Variants in GRAMD1B observed in about 807,000 individuals in gnomAD.
GRAMD1B encodes protein Aster-B.
In GRAMD1B, 37 loss-of-function variants were observed where a neutral mutation model predicts 99.7. That is an observed-to-expected ratio of 0.37 (90% CI 0.29 to 0.49). The LOEUF is 0.49. Ranked by LOEUF, GRAMD1B falls within the 20% of genes least tolerant of loss-of-function variation. GRAMD1B has a pLI of 0.98. For synonymous variants in GRAMD1B, 427 were observed against 387.6 expected, an observed-to-expected ratio of 1.10 and a Z score of -1.19; for missense variants, 888 against 1,009.2, an observed-to-expected ratio of 0.88 and a Z score of 1.63.
intron 1 of GRAMD1B, among the ~76,000 whole-genome samples, chr11:123,470,092 C>T (rs1950935679): frequency 6.6e-6 from 1 of 152,168 alleles, no homozygotes; most frequent in African/African-American, 2.4e-5. Context: ...CTATGGTTCA[C>T]ACTGACTTTA....
At chr11:123,452,718 C>G (rs4936807) in intron 1 of GRAMD1B, among the ~76,000 whole-genome samples, 38,466 of 152,002 alleles carry the variant, frequency 0.25, 5,137 homozygotes, top group East Asian at 0.37. Context: ...GCTATTTACT[C>G]TCAATATTAG....
upstream of GRAMD1B, among the ~76,000 whole-genome samples, chr11:123,428,418 A>G (rs182170382): frequency 6.6e-6 from 1 of 152,302 alleles, no homozygotes; most frequent in Admixed American, 6.5e-5. Context: ...GTAGAGTGAA[A>G]CCAAATCACT....
At chr11:123,499,307 G>A (rs1035256599) in intron 2 of GRAMD1B, among the ~76,000 whole-genome samples, 4 of 152,126 alleles carry the variant, frequency 2.6e-5, no homozygotes, top group Non-Finnish European at 5.9e-5. Flanking sequence ...ACCAGATGTG[G>A]CTCCTTTGTC....
chr11:123,486,878 C>T (rs905828726), intron 2 of GRAMD1B, among the ~76,000 whole-genome samples: 12 of 152,062 alleles, frequency 7.9e-5, no homozygotes, highest in African/African-American at 2.7e-4. Flanking sequence ...TGAGACCAGC[C>T]GCCAACATGG....
intron 1 of GRAMD1B, among the ~76,000 whole-genome samples, chr11:123,475,122 T>C (rs1034812334): frequency 1.8e-4 from 27 of 152,182 alleles, no homozygotes; most frequent in African/African-American, 6.0e-4. Context: ...GACGGCTTCC[T>C]GGTGGTTCGT....
intron 7 of GRAMD1B, among the ~76,000 whole-genome samples, chr11:123,600,183 T>C (rs1262463121): frequency 1.3e-5 from 2 of 152,162 alleles, no homozygotes; most frequent in Admixed American, 6.5e-5. Flanking sequence ...GTGAGGGACA[T>C]TTCTTATGGA....
intron 2 of GRAMD1B, among the ~76,000 whole-genome samples, chr11:123,543,639 C>T (rs1401242619): frequency 6.6e-6 from 1 of 152,226 alleles, no homozygotes; most frequent in Non-Finnish European, 1.5e-5. Context: ...TAGCCAGAAA[C>T]TTTTCTTGGA....
At chr11:123,511,792 C>T (rs1034009772) in intron 2 of GRAMD1B, among the ~76,000 whole-genome samples, 7 of 152,164 alleles carry the variant, frequency 4.6e-5, no homozygotes, top group Admixed American at 2.0e-4. Context: ...CAGCCTGAAC[C>T]GGCAGGAATG....
chr11:123,483,835 A>G (rs1951743747), intron 2 of GRAMD1B, among the ~76,000 whole-genome samples: 1 of 152,150 alleles, frequency 6.6e-6, no homozygotes, highest in Admixed American at 6.5e-5. Flanking sequence ...GAACCTCTCT[A>G]GTCCTTATTT....
chr11:123,596,900 A>G (rs866457916), intron 7 of GRAMD1B, among the ~76,000 whole-genome samples: 2 of 152,092 alleles, frequency 1.3e-5, no homozygotes, highest in Admixed American at 6.6e-5. Context: ...CAGACACTAG[A>G]TTTGGATCCT....
chr11:123,600,260 C>A (rs1489814621), intron 7 of GRAMD1B, among the ~76,000 whole-genome samples: 2 of 152,114 alleles, frequency 1.3e-5, no homozygotes, highest in Non-Finnish European at 2.9e-5. Context: ...AGGACTTTGT[C>A]ACACTGGGAA....
chr11:123,380,667 G>T (rs1178611593), intron 1 of GRAMD1B, among the ~76,000 whole-genome samples: 2 of 152,110 alleles, frequency 1.3e-5, no homozygotes, highest in Non-Finnish European at 2.9e-5. Context: ...GTTTCAACAC[G>T]GCCAGCAGCT....
At chr11:123,493,446 G>T (rs1188257970) in intron 2 of GRAMD1B, among the ~76,000 whole-genome samples, 1 of 152,156 alleles carries the variant, frequency 6.6e-6, no homozygotes, top group Non-Finnish European at 1.5e-5. Flanking sequence ...CTTATTAAGG[G>T]AAGCCACACA....
Position 123,605,478 on chromosome 11 carries a change from G to A in GRAMD1B, c.1323G>A (p.Ser441=), listed in dbSNP as rs1565451689. The A allele has an allele frequency of 2.5e-6, 4 of 1,607,060 alleles. No individual in the cohort carries two copies. The highest frequency in any genetic ancestry group is 1.3e-5 in the African/African-American group (1 of 74,736). Residue 441 remains serine (S), a splice_region_variant and synonymous_variant, in exon 10 of 20, where the codon TCG becomes TCA. Coordinates refer to ENST00000635736, the MANE Select transcript of GRAMD1B (RefSeq NM_001387025.1). The part of the protein sequence containing the change: ...TSTGSSEAPV[S]FDGLPLEEEA... ...CAGGGAGCAGTGAGGCCCCCGTCTC[G>A]GTATGGGCAGTCAGCCTTTGACTTC...
intron 1 of GRAMD1B, among the ~76,000 whole-genome samples, chr11:123,442,252 CT>C (rs1019941795): frequency 6.6e-6 from 1 of 152,142 alleles, no homozygotes; most frequent in South Asian, 2.1e-4. Flanking sequence ...TGTACTTTTT[CT>C]TTTTTTATTT....
chr11:123,497,624 C>T (rs190849884), intron 2 of GRAMD1B, among the ~76,000 whole-genome samples: 7 of 152,222 alleles, frequency 4.6e-5, no homozygotes, highest in East Asian at 1.9e-4. Context: ...AGCTGGCAGC[C>T]AGGTGCTGTG....
At chr11:123,467,989 G>A (rs534946123) in intron 1 of GRAMD1B, among the ~76,000 whole-genome samples, 26 of 151,886 alleles carry the variant, frequency 1.7e-4, no homozygotes, top group Middle Eastern at 3.4e-3. Flanking sequence ...TCAGCCTCCC[G>A]AGTAGCTGGG....
intron 1 of GRAMD1B, among the ~76,000 whole-genome samples, chr11:123,471,864 C>T (rs577738090): frequency 1.3e-5 from 2 of 152,208 alleles, no homozygotes; most frequent in South Asian, 4.2e-4. Flanking sequence ...TGGAGAGGGG[C>T]CAAGGAATCT....
intron 17 of GRAMD1B, among the ~76,000 whole-genome samples, chr11:123,617,143 C>T (rs1411596110): frequency 2.0e-5 from 3 of 150,776 alleles, no homozygotes; most frequent in African/African-American, 7.3e-5. Flanking sequence ...TTATCCATCT[C>T]TCTTTTATCT....
Sources: gnomAD v4.1 joint callset for allele counts (sites outside exome capture counted in the v4.1 genomes callset) on GRCh38, gnomAD v4.1.1 for gene constraint, MANE v1.5 for transcripts, NCBI Gene and HGNC (gene_info 2026-07-23, HGNC 2026-07-21) for gene names.